Variants in EEF2K observed in about 807,000 individuals in gnomAD.
EEF2K encodes eukaryotic elongation factor 2 kinase.
A neutral mutation model predicts 93.8 loss-of-function variants in EEF2K; 70 were observed. The ratio of observed to expected loss-of-function variants is 0.75; its 90% confidence interval spans 0.62 to 0.91. EEF2K has a LOEUF of 0.91. Ranked by LOEUF, EEF2K falls within the 40% of genes least tolerant of loss-of-function variation. The pLI is 0.00. For missense variants in EEF2K, 935 were observed against 972.9 expected (o/e 0.96, Z 0.52); for synonymous variants, 376 against 380.8 (o/e 0.99, Z 0.15).
intron 3 of EEF2K, among the ~76,000 whole-genome samples, chr16:22,247,783 G>C (rs1336775664): frequency 6.6e-6 from 1 of 152,114 alleles, no homozygotes; most frequent in African/African-American, 2.4e-5. Flanking sequence ...TGACCCTTAT[G>C]ATGGGGAGGA....
intron 16 of EEF2K, among the ~76,000 whole-genome samples, chr16:22,278,561 G>A (rs751186341): frequency 8.5e-5 from 13 of 152,160 alleles, no homozygotes; most frequent in East Asian, 5.8e-4. Context: ...ACAGGAGACC[G>A]TCCTGGAGGG....
At position 22,258,199 on chromosome 16, in the gene EEF2K, G is replaced by C. The variant is rs117655243; in HGVS notation, c.1030-295G>C. ...AGAGAATGTTGCAAAGACCAGCTTGGGATGCTGGACATAGAGTGGAATGCT... is the reference window on the plus strand; with the variant it reads ...AGAGAATGTTGCAAAGACCAGCTTGCGATGCTGGACATAGAGTGGAATGCT... On this transcript the variant is annotated intron_variant, in intron 9 of 17. Coordinates refer to ENST00000263026, the MANE Select transcript of EEF2K (RefSeq NM_013302.5). Among the ~76,000 whole-genome samples, 914 of 152,172 alleles carry C rather than the reference G, an allele frequency of 6.0e-3. 4 individuals are homozygous for C. The highest frequency in any genetic ancestry group is 0.01 in the Non-Finnish European group (689 of 67,996).
At chr16:22,255,544 A>G (rs568652373) in intron 6 of EEF2K, among the ~76,000 whole-genome samples, 3 of 152,320 alleles carry the variant, frequency 2.0e-5, no homozygotes, top group Non-Finnish European at 2.9e-5. Context: ...ACTTAGCTGC[A>G]AGGGAAGCTT....
rs772711075 is a variant in EEF2K at position 22,283,973 on chromosome 16, G to A, written c.2155G>A (p.Ala719Thr). The A allele has an allele frequency of 2.5e-6, 4 of 1,586,202 alleles. No homozygotes were observed. Among genetic ancestry groups the A allele is most frequent in the Non-Finnish European group, 3.4e-6 (4 of 1,166,018 alleles). ...CCAGTACTACCAAAAGGCTGAAGAG[G>A]CCTGGGCCCAGATGGAGGAGTAACC... ...ANQYYQKAEE[A>T]WAQMEE The change falls in exon 18 of 18, where the codon GCC (alanine) becomes ACC (threonine). Residue 719 changes from alanine (A) to threonine (T), a missense_variant. Ala to Thr is a moderately conservative substitution (Grantham distance 58, BLOSUM62 0). Transcript: ENST00000263026.
rs1337243424 is a variant in EEF2K, at chr16:22,284,031, C to G, written c.*35C>G. ...TCACTGCCGGCTAGTCCCAAGCAAA[C>G]GGGCTAGGAGGAAAGATTAAAAAAA... On this transcript the variant is annotated 3_prime_UTR_variant, in exon 18 of 18. Coordinates refer to ENST00000263026, the MANE Select transcript of EEF2K (RefSeq NM_013302.5). The G allele has an allele frequency of 1.3e-6, 2 of 1,524,864 alleles. No individual in the cohort carries two copies. The highest frequency in any genetic ancestry group is 1.4e-5 in the African/African-American group (1 of 72,502). The allele number at this position is 1,524,864 out of a possible 1,614,324, so 94.5% of individuals were successfully genotyped here.
At chr16:22,264,649 C>T (rs1238807678) in intron 12 of EEF2K, among the ~76,000 whole-genome samples, 169 bp from the exon 13 acceptor site, 1 of 152,090 alleles carries the variant, frequency 6.6e-6, no homozygotes. Context: ...TTCTGCTTGG[C>T]AGAGAAGGGT....
chr16:22,253,211 C>T (rs1057015788), intron 6 of EEF2K, among the ~76,000 whole-genome samples: 32 of 152,220 alleles, frequency 2.1e-4, no homozygotes, highest in African/African-American at 7.2e-4. Flanking sequence ...TCCCTGTTGC[C>T]TTTCGGCATT....
At chr16:22,220,355 C>T (rs2046998717) in intron 1 of EEF2K, among the ~76,000 whole-genome samples, 1 of 152,150 alleles carries the variant, frequency 6.6e-6, no homozygotes, top group Admixed American at 6.5e-5. Context: ...GCTCCCCACA[C>T]TGTAAGATGA....
At chr16:22,253,570 C>T (rs2047371859) in intron 6 of EEF2K, among the ~76,000 whole-genome samples, 1 of 152,108 alleles carries the variant, frequency 6.6e-6, no homozygotes. Context: ...TAGTTCAGGT[C>T]TCAGATCCTG....
rs138681546 is a variant in EEF2K, at chr16:22,256,791, C to T, written c.662C>T (p.Pro221Leu). The T allele has an allele frequency of 1.9e-4, 311 of 1,614,072 alleles. 1 individual carries two copies. The East Asian group carries it at 2.1e-3, about 11-fold the overall frequency. The part of the protein sequence containing the change: ...QMCIIELKDR[P>L]GKPLFHLEHY... ...TGCATCATCGAGCTGAAGGACAGAC[C>T]GGGCAAGCCCCTCTTCCACCTGGAG... The change falls in exon 7 of 18, where the codon CCG becomes CTG. Residue 221 changes from proline to leucine, a missense_variant. Coordinates refer to ENST00000263026, the MANE Select transcript of EEF2K (RefSeq NM_013302.5).
At chr16:22,217,696 A>G (rs11645141) in intron 1 of EEF2K, among the ~76,000 whole-genome samples, 71,335 of 151,966 alleles carry the variant, frequency 0.47, 20,067 homozygotes, top group East Asian at 0.88. Context: ...CAGGTGATCC[A>G]CCTGCCTTGG....
intron 4 of EEF2K, 52 bp downstream of exon 4, chr16:22,248,867 C>T (rs1353326690): frequency 6.3e-7 from 1 of 1,588,836 alleles, no homozygotes; most frequent in Non-Finnish European, 8.6e-7. Context: ...AGACTTTCTG[C>T]AGCTAACTTT....
chr16:22,234,074 C>T (rs748415233), intron 2 of EEF2K, among the ~76,000 whole-genome samples: 2 of 152,162 alleles, frequency 1.3e-5, no homozygotes, highest in Admixed American at 6.5e-5. Context: ...CATGAATGGG[C>T]GTGCCCACCA....
intron 2 of EEF2K, among the ~76,000 whole-genome samples, chr16:22,240,475 G>T (rs981296805): frequency 4.6e-5 from 7 of 152,100 alleles, no homozygotes; most frequent in African/African-American, 9.7e-5. Context: ...CAAAAAATAT[G>T]TACTACTGAG....
At chr16:22,249,530 G>T (rs773856848) in intron 4 of EEF2K, among the ~76,000 whole-genome samples, 1 of 151,992 alleles carries the variant, frequency 6.6e-6, no homozygotes, top group Non-Finnish European at 1.5e-5. Flanking sequence ...ATACCCACAG[G>T]GTAAGCACCC....
intron 1 of EEF2K, among the ~76,000 whole-genome samples, chr16:22,208,895 T>C (rs536694738): frequency 6.6e-6 from 1 of 152,314 alleles, no homozygotes; most frequent in Non-Finnish European, 1.5e-5. Flanking sequence ...GCCACACGGC[T>C]GAGTTTTGGC....
At chr16:22,271,050 A>G (rs1598203916) in intron 15 of EEF2K, among the ~76,000 whole-genome samples, 2 of 149,750 alleles carry the variant, frequency 1.3e-5, no homozygotes, top group African/African-American at 4.9e-5. Flanking sequence ...GCTCACTGCA[A>G]CCTCCGCCTC....
At chr16:22,268,570 G>A (rs558272854) in intron 15 of EEF2K, among the ~76,000 whole-genome samples, 3 of 152,060 alleles carry the variant, frequency 2.0e-5, no homozygotes, top group East Asian at 1.9e-4. Context: ...GGGTTCAAGC[G>A]ATCCTCCTGC....
chr16:22,229,125 G>A (rs1452818288), intron 2 of EEF2K, among the ~76,000 whole-genome samples: 1 of 151,368 alleles, frequency 6.6e-6, no homozygotes, highest in African/African-American at 2.4e-5. Flanking sequence ...GGCAACAGAG[G>A]AGACTCCATC....
Sources: gnomAD v4.1 joint callset for allele counts (sites outside exome capture counted in the v4.1 genomes callset) on GRCh38, gnomAD v4.1.1 for gene constraint, MANE v1.5 for transcripts, NCBI Gene and HGNC (gene_info 2026-07-23, HGNC 2026-07-21) for gene names.